Variants in ARPC5 observed in about 807,000 individuals in gnomAD.
The protein encoded by ARPC5 is actin-related protein 2/3 complex subunit 5.
In ARPC5, 5 loss-of-function variants were observed where a neutral mutation model predicts 15.4. The observed-to-expected ratio is 0.32, with a 90% CI of 0.17 to 0.68. The LOEUF is 0.68. ARPC5 is among the 30% of genes least tolerant of loss of function. The probability of loss-of-function intolerance (pLI) is 0.71; values close to 1 mark genes in which losing one functional copy is unlikely to be tolerated. For missense variants in ARPC5, 138 were observed against 192.8 expected (o/e 0.72, Z 1.68); for synonymous variants, 85 against 72.2 (o/e 1.18, Z -0.90).
chr1:183,632,965 C>T (rs1649307672), intron 2 of ARPC5, 117 bp downstream of exon 2: 1 of 795,114 alleles, frequency 1.3e-6, no homozygotes, highest in Non-Finnish European at 2.0e-6. Flanking sequence ...ACATTATAAA[C>T]TCTTCTATGT....
intron 2 of ARPC5, chr1:183,632,075 AT>A (rs1649283244): frequency 6.6e-6 from 1 of 152,142 alleles, no homozygotes; most frequent in Non-Finnish European, 1.5e-5. Context: ...AACCAAAGAA[AT>A]TTTCCCCAAT....
At chr1:183,635,286 G>T (rs1649437055) in intron 1 of ARPC5, among the ~76,000 whole-genome samples, 1 of 152,238 alleles carries the variant, frequency 6.6e-6, no homozygotes, top group African/African-American at 2.4e-5. Flanking sequence ...AGGCGCGCGG[G>T]GGAGGGCAGG....
intron 2 of ARPC5, chr1:183,631,808 C>T (rs1649276233): frequency 6.6e-6 from 1 of 152,012 alleles, no homozygotes; most frequent in Non-Finnish European, 1.5e-5. Flanking sequence ...TGGCAAAAGC[C>T]TGCTTCAAAA....
Position 183,624,561 on chromosome 1 carries a change from A to C in ARPC5, c.*2971T>G, listed in dbSNP as rs188049665. The C allele has an allele frequency of 9.2e-5, 14 of 152,214 alleles. No homozygotes were observed. Among genetic ancestry groups the C allele is most frequent in the African/African-American group, 3.4e-4 (14 of 41,492 alleles). 9.4% of individuals were successfully genotyped at this position (152,214 alleles called of 1,614,324 possible). Reference sequence around the variant, plus strand: ...AAACAAAACAAAACAAAAAACATTAAAACTGCAAGAACAGTGACTATTAAA... The same window carrying C: ...AAACAAAACAAAACAAAAAACATTACAACTGCAAGAACAGTGACTATTAAA... On this transcript the variant is annotated 3_prime_UTR_variant, in exon 4 of 4. Transcript: ENST00000359856.
rs1649004438 is a variant in ARPC5, at chr1:183,623,760, C to T, written c.*3772G>A. The T allele has an allele frequency of 4.5e-6, 2 of 442,214 alleles. No homozygotes were observed. The highest frequency in any genetic ancestry group is 4.1e-5 in the East Asian group (1 of 24,356). The allele number at this position is 442,214 out of a possible 1,614,324, so 27.4% of individuals were successfully genotyped here. A position where few individuals can be genotyped will look rare whatever the true frequency, so the allele number is the denominator to read the frequency against. On this transcript the variant is annotated 3_prime_UTR_variant, in exon 4 of 4. Transcript: ENST00000359856. ...TCAATCTGGCTGGGCGCGGTGGTCA[C>T]GCCTGTAATCCCAGTGCTTTGGGAG...
intron 2 of ARPC5, 155 bp from the exon 3 acceptor site, chr1:183,630,792 G>A: frequency 1.5e-6 from 1 of 667,016 alleles, no homozygotes; most frequent in Non-Finnish European, 2.5e-6. Flanking sequence ...TTCAGACAGA[G>A]GAAAGAACAG....
chr1:183,629,626 C>T (rs567985314), intron 3 of ARPC5, among the ~76,000 whole-genome samples: 1 of 152,220 alleles, frequency 6.6e-6, no homozygotes, highest in South Asian at 2.1e-4. Context: ...AGATGATGTA[C>T]CAGCATCTAC....
At chr1:183,629,737 A>G (rs1414042485) in intron 3 of ARPC5, among the ~76,000 whole-genome samples, 1 of 152,216 alleles carries the variant, frequency 6.6e-6, no homozygotes. Context: ...AATATCTAAC[A>G]CAAAATTTGC....
intron 3 of ARPC5, among the ~76,000 whole-genome samples, chr1:183,629,491 C>CT (rs144189322): frequency 0.079 from 12,002 of 152,042 alleles, 909 homozygotes; most frequent in African/African-American, 0.2. Context: ...TTACTATGTG[C>CT]TTTTTTCTTA....
At position 183,625,406 on chromosome 1, in the gene ARPC5, T is replaced by C. The variant is rs1373134625; in HGVS notation, c.*2126A>G. On this transcript the variant is annotated 3_prime_UTR_variant, in exon 4 of 4. Transcript: ENST00000359856. ...AGATTCTAAATACACCCACCCATTC[T>C]TGTGAACAAATATGAACTCCAGAAT... is the stretch of plus-strand genomic sequence containing the variant. 6.6e-6 allele frequency: 1 copy of C among 152,268 alleles called. No individual in the cohort carries two copies. Among genetic ancestry groups the C allele is most frequent in the African/African-American group, 2.4e-5 (1 of 41,470 alleles). The allele number at this position is 152,268 out of a possible 1,614,324, so 9.4% of individuals were successfully genotyped here. A position where few individuals can be genotyped will look rare whatever the true frequency, so the allele number is the denominator to read the frequency against.
At position 183,635,691 on chromosome 1, in the gene ARPC5, T is replaced by C. The variant is rs764954249; in HGVS notation, c.-32A>G. 2.6e-5 allele frequency: 41 copies of C among 1,602,174 alleles called. 1 individual carries two copies. Among genetic ancestry groups the C allele is most frequent in the Middle Eastern group, 3.3e-4 (2 of 6,044 alleles). ...CCCGACCAGCGGCAAAGGCCTCTTC[T>C]TGGCGCTGCCTCTACCTCAGCAAGC... On this transcript the variant is annotated 5_prime_UTR_variant, in exon 1 of 4. Transcript: ENST00000359856.
rs1648995328 is a variant in ARPC5 at position 183,623,520 on chromosome 1, C to T, written c.*4012G>A. 6.5e-7 allele frequency: 1 copy of T among 1,549,838 alleles called. No individual in the cohort carries two copies. Among genetic ancestry groups the T allele is most frequent in the Non-Finnish European group, 8.7e-7 (1 of 1,146,678 alleles). ...GGGTTTTCACATATTGTACTAGTGA[C>T]ATTGGGGTGAGGGGGAGAGGGAGTG... On this transcript the variant is annotated 3_prime_UTR_variant, in exon 4 of 4. Transcript: ENST00000359856.
intron 1 of ARPC5, 130 bp downstream of exon 1, chr1:183,635,387 G>A (rs903259941): frequency 1.2e-5 from 13 of 1,128,660 alleles, no homozygotes; most frequent in Non-Finnish European, 1.6e-5. Flanking sequence ...ATCCCAAAGA[G>A]ACAGGTTAAG....
rs56772636 is a variant in ARPC5, at chr1:183,624,022, CAA to C, written c.*3508_*3509del. The C allele has an allele frequency of 0.079, 11,745 of 148,262 alleles. 885 individuals are homozygous for C. The highest frequency in any genetic ancestry group is 0.2 in the African/African-American group (7,988 of 40,402). 9.2% of individuals were successfully genotyped at this position (148,262 alleles called of 1,614,324 possible). On this transcript the variant is annotated 3_prime_UTR_variant, in exon 4 of 4. Coordinates refer to ENST00000359856, the MANE Select transcript of ARPC5 (RefSeq NM_005717.4). Reference sequence around the variant, plus strand: ...TGAGCAACAGAGCAAGACTCCATCTCAAAAAAAAAAAATTAATTAATTAATTT... The same window carrying C: ...TGAGCAACAGAGCAAGACTCCATCTCAAAAAAAAAATTAATTAATTAATTT...
Position 183,628,172 on chromosome 1 carries a change from CAAAAAAAAAAAAAA to C in ARPC5, c.394-592_394-579del, listed in dbSNP as rs3068220. Reference sequence around the variant, plus strand: ...TGGGCGACAGAGCAAGACTCCGTCTCAAAAAAAAAAAAAAAAAAAAAAAAAAAAAATCTGCAGCA... The same window carrying C: ...TGGGCGACAGAGCAAGACTCCGTCTCAAAAAAAAAAAAAAAATCTGCAGCA... On this transcript the variant is annotated intron_variant, in intron 3 of 3. Coordinates refer to ENST00000359856, the MANE Select transcript of ARPC5 (RefSeq NM_005717.4). Among the ~76,000 whole-genome samples the C allele has an allele frequency of 5.9e-3, 271 of 46,066 alleles. 2 individuals are homozygous for C. The highest frequency in any genetic ancestry group is 6.6e-3 in the Non-Finnish European group (138 of 20,802). The allele number at this position is 46,066 out of a possible 152,430, so 30.2% of individuals were successfully genotyped here.
At chr1:183,633,592 T>G (rs1185048374) in intron 1 of ARPC5, 1 of 152,984 alleles carries the variant, frequency 6.5e-6, no homozygotes, top group Non-Finnish European at 1.5e-5. Context: ...TAGAACCATA[T>G]TCTGTATTAT....
In ARPC5 at chr1:183,627,317, A is replaced by G. The variant is rs1649131890; in HGVS notation, c.*215T>C. 1 of 588,562 alleles carries G rather than the reference A, an allele frequency of 1.7e-6. No homozygotes were observed. Among genetic ancestry groups the G allele is most frequent in the Non-Finnish European group, 3.1e-6 (1 of 322,396 alleles). 36.5% of individuals were successfully genotyped at this position (588,562 alleles called of 1,614,324 possible). Reference sequence around the variant, plus strand: ...TCACTGAAATGGTTTTGAAAGGATGAAACACTTCTATTTTAACACAATTTC... The same window carrying G: ...TCACTGAAATGGTTTTGAAAGGATGGAACACTTCTATTTTAACACAATTTC... On this transcript the variant is annotated 3_prime_UTR_variant, in exon 4 of 4. Coordinates refer to ENST00000359856, the MANE Select transcript of ARPC5 (RefSeq NM_005717.4).
rs913275143 is a variant in ARPC5 at position 183,622,280 on chromosome 1, T to G, written c.*5252A>C. On this transcript the variant is annotated 3_prime_UTR_variant, in exon 4 of 4. Transcript: ENST00000359856. ...GTACATATTTCTTACCTTTTGAATA[T>G]TGAACAATATGAACAAATTATTTGA... 5 of 152,196 alleles carry G rather than the reference T, an allele frequency of 3.3e-5. No individual in the cohort carries two copies. Among genetic ancestry groups the G allele is most frequent in the Admixed American group, 3.3e-4 (5 of 15,280 alleles). 9.4% of individuals were successfully genotyped at this position (152,196 alleles called of 1,614,324 possible).
In ARPC5 at chr1:183,627,412, G is replaced by C. The variant is rs1424281317; in HGVS notation, c.*120C>G. 1 of 817,238 alleles carries C rather than the reference G, an allele frequency of 1.2e-6. No homozygotes were observed. The highest frequency in any genetic ancestry group is 2.1e-6 in the Non-Finnish European group (1 of 481,082). 50.6% of individuals were successfully genotyped at this position (817,238 alleles called of 1,614,324 possible). On this transcript the variant is annotated 3_prime_UTR_variant, in exon 4 of 4. Transcript: ENST00000359856. ...TTTTTTTCTTTACAGATATGAAAAA[G>C]CAAGAAGGCAAAGCTGAGAGAAACA... is the stretch of plus-strand genomic sequence containing the variant.
Sources: gnomAD v4.1 joint callset for allele counts (sites outside exome capture counted in the v4.1 genomes callset) on GRCh38, gnomAD v4.1.1 for gene constraint, MANE v1.5 for transcripts, NCBI Gene and HGNC (gene_info 2026-07-23, HGNC 2026-07-21) for gene names.